FER1L6: variants seen among roughly 807,000 people sequenced by gnomAD.
FER1L6 encodes the protein fer-1 like family member 6.
In FER1L6, 177 loss-of-function variants were observed where a neutral mutation model predicts 219.2. That is an observed-to-expected ratio of 0.81 (90% confidence interval 0.71 to 0.91). The LOEUF is 0.91. Ranked by LOEUF, FER1L6 falls within the 40% of genes least tolerant of loss-of-function variation. The pLI, the probability that FER1L6 is intolerant of heterozygous loss-of-function variation, is 0.00. For missense variants in FER1L6, 2,153 were observed against 2,259.9 expected (o/e 0.95, Z 0.96); for synonymous variants, 768 against 824.3 (o/e 0.93, Z 1.17).
chr8:123,854,950 G>A (rs996963451), intron 1 of FER1L6, among the ~76,000 whole-genome samples: 1 of 152,130 alleles, frequency 6.6e-6, no homozygotes, highest in African/African-American at 2.4e-5. Flanking sequence ...GTACAGTTCC[G>A]CAGCATTCGG....
chr8:123,976,467 C>T (rs2130303272), intron 9 of FER1L6, among the ~76,000 whole-genome samples: 1 of 151,748 alleles, frequency 6.6e-6, no homozygotes, highest in South Asian at 2.1e-4. Context: ...AGAGATTGTA[C>T]CACTGTGCTC....
chr8:124,118,922 C>A lies in FER1L6; in HGVS notation c.5368C>A (p.Pro1790Thr). ...TCCTGTTGGAAAAGCCCGAAAGGAG[C>A]CAGAGCCCCTGGCCAAGCCCAAGTG... is the stretch of plus-strand genomic sequence containing the variant. ...KNPVGKARKE[P>T]EPLAKPNRPD... The change falls in exon 40 of 41, where the codon CCA (proline) becomes ACA (threonine). Residue 1790 changes from proline to threonine, a missense_variant. Pro to Thr is a conservative substitution (Grantham distance 38, BLOSUM62 -1). Transcript: ENST00000522917. 6.2e-7 allele frequency: 1 copy of A among 1,613,628 alleles called. No homozygotes were observed. The highest frequency in any genetic ancestry group is 1.1e-5 in the South Asian group (1 of 91,062).
In FER1L6 at chr8:124,003,102, A is replaced by C. The variant is rs971265985; in HGVS notation, c.1520-65A>C. 2.1e-6 allele frequency: 3 copies of C among 1,419,382 alleles called. No individual in the cohort carries two copies. In the African/African-American group the frequency reaches 4.2e-5, roughly 20 times the overall value. 87.9% of individuals were successfully genotyped at this position (1,419,382 alleles called of 1,614,324 possible). On this transcript the variant is annotated intron_variant, in intron 12 of 40. Coordinates refer to ENST00000522917, the MANE Select transcript of FER1L6 (RefSeq NM_001039112.2). ...GGGAGAACATGAGTTTGGATCCTTT[A>C]TGCCAAGCAGACTGATTCTGATTAC... is the stretch of plus-strand genomic sequence containing the variant.
chr8:124,026,327 CT>C lies in FER1L6; in HGVS notation c.2286+2732del, dbSNP rs1373287058. 1.1e-4 allele frequency among the ~76,000 whole-genome samples: 17 copies of C among 152,298 alleles called. No individual in the cohort carries two copies. The South Asian group carries it at 3.5e-3, about 32-fold the overall frequency. The stretch of plus-strand genomic sequence containing the variant: ...GCTGACTGTCCTCCCAATATCAGTT[CT>C]GGTTTCTTGCTATAAAATAATTATT... On this transcript the variant is annotated intron_variant, in intron 18 of 40. Coordinates refer to ENST00000522917, the MANE Select transcript of FER1L6 (RefSeq NM_001039112.2).
At chr8:123,971,039 G>A (rs1815785130) in intron 6 of FER1L6, among the ~76,000 whole-genome samples, 2 of 152,206 alleles carry the variant, frequency 1.3e-5, no homozygotes, top group South Asian at 4.1e-4. Flanking sequence ...AGTGTAGGAA[G>A]TCTGGAGAAT....
rs1483870202 is a variant in FER1L6, at chr8:124,079,038, TG to T, written c.4220+2714del. On this transcript the variant is annotated intron_variant, in intron 32 of 40. Transcript: ENST00000522917. ...CTGGTGATCTGCTGGCAATCCCTGG[TG>T]CTCCCTGGCTGGTAGATGCATTGCT... Among the ~76,000 whole-genome samples, 3 of 152,278 alleles carry T rather than the reference TG, an allele frequency of 2.0e-5. No homozygotes were observed. The East Asian group carries it at 5.8e-4, about 29-fold the overall frequency.
intron 1 of FER1L6, among the ~76,000 whole-genome samples, chr8:123,881,055 A>G (rs1292704296): frequency 2.0e-5 from 3 of 152,228 alleles, no homozygotes; most frequent in African/African-American, 7.2e-5. Context: ...AGTCATGTGC[A>G]ATGGTGACTG....
rs551773371 is a variant in FER1L6, at chr8:124,002,514, A to T, written c.1520-653A>T. On this transcript the variant is annotated intron_variant, in intron 12 of 40. Coordinates refer to ENST00000522917, the MANE Select transcript of FER1L6 (RefSeq NM_001039112.2). ...TTCCAAAAGAGAGGAATGTTCATCT[A>T]AATCTTTTAAAGCATTTGAAATTAG... is the stretch of plus-strand genomic sequence containing the variant. Among the ~76,000 whole-genome samples the T allele has an allele frequency of 2.7e-4, 41 of 152,346 alleles. No homozygotes were observed. In the South Asian group the frequency reaches 8.1e-3, roughly 30 times the overall value.
chr8:124,049,579 A>G (rs368223758), intron 21 of FER1L6, 28 bp from the exon 22 acceptor site: 13 of 1,612,698 alleles, frequency 8.1e-6, no homozygotes, highest in African/African-American at 1.3e-5. Flanking sequence ...TGATCAGGAA[A>G]TACAAACTCA....
At chr8:123,866,428 T>A (rs1318298247) in intron 1 of FER1L6, among the ~76,000 whole-genome samples, 1 of 152,150 alleles carries the variant, frequency 6.6e-6, no homozygotes, top group East Asian at 1.9e-4. Context: ...ACTTAGCTAT[T>A]GTGAATAATG....
In FER1L6 at chr8:124,082,405, C is replaced by T; in HGVS notation, c.4338C>T (p.Asn1446=). ...GTGAGACCAAGATCGACCTGGAGAA[C>T]CGCTTCTACAGCAAACACCGAGCCA... ...LIGETKIDLE[N]RFYSKHRAIC... Residue 1446 remains asparagine, a synonymous_variant, in exon 33 of 41, where the codon AAC becomes AAT. Coordinates refer to ENST00000522917, the MANE Select transcript of FER1L6 (RefSeq NM_001039112.2). 6.2e-7 allele frequency: 1 copy of T among 1,614,084 alleles called. No homozygotes were observed.
chr8:124,096,215 C>T (rs1368447356), intron 35 of FER1L6, among the ~76,000 whole-genome samples: 1 of 152,144 alleles, frequency 6.6e-6, no homozygotes, highest in African/African-American at 2.4e-5. Context: ...TAGGATCCTT[C>T]ACTTGGCTGG....
At chr8:123,865,738 G>A (rs1217644832) in intron 1 of FER1L6, among the ~76,000 whole-genome samples, 2 of 151,322 alleles carry the variant, frequency 1.3e-5, no homozygotes, top group East Asian at 1.9e-4. Flanking sequence ...GGAGTGACCC[G>A]ATTTTCCAGG....
At chr8:124,067,865 T>G in intron 28 of FER1L6, 59 bp downstream of exon 28, 1 of 1,446,806 alleles carries the variant, frequency 6.9e-7, no homozygotes, top group Non-Finnish European at 9.7e-7. Context: ...ACGAGAAAAT[T>G]GTAAAATGGA....
intron 32 of FER1L6, among the ~76,000 whole-genome samples, chr8:124,080,143 C>T (rs2130905794): frequency 6.6e-6 from 1 of 152,222 alleles, no homozygotes; most frequent in Non-Finnish European, 1.5e-5. Context: ...AACATTGTTC[C>T]TCTGAAGCTC....
chr8:123,944,640 C>T (rs1016036721), intron 1 of FER1L6, among the ~76,000 whole-genome samples: 3 of 152,198 alleles, frequency 2.0e-5, no homozygotes, highest in African/African-American at 7.2e-5. Flanking sequence ...TGATACCCAT[C>T]TTACAGATGA....
chr8:123,957,728 G>A (rs1385391723), intron 2 of FER1L6, among the ~76,000 whole-genome samples: 2 of 152,122 alleles, frequency 1.3e-5, no homozygotes, highest in African/African-American at 2.4e-5. Context: ...AGAAGCTGGC[G>A]GATACCTAGG....
chr8:123,976,652 C>G lies in FER1L6; in HGVS notation c.870+568C>G, dbSNP rs1816086832. Among the ~76,000 whole-genome samples the G allele has an allele frequency of 2.0e-5, 3 of 152,278 alleles. No homozygotes were observed. In the South Asian group the frequency reaches 6.2e-4, roughly 32 times the overall value. ...AGGCAGACAGGCATCCTTCCTCACC[C>G]CTGGCTACTTCTCTGAGCTGTTTAT... On this transcript the variant is annotated intron_variant, in intron 9 of 40. Transcript: ENST00000522917.
intron 26 of FER1L6, among the ~76,000 whole-genome samples, chr8:124,065,800 C>T (rs1247710545): frequency 6.6e-6 from 1 of 152,174 alleles, no homozygotes; most frequent in Non-Finnish European, 1.5e-5. Flanking sequence ...AGTGCTGCAT[C>T]CATAGGCTCC....
Sources: gnomAD v4.1 joint callset for allele counts (sites outside exome capture counted in the v4.1 genomes callset) on GRCh38, gnomAD v4.1.1 for gene constraint, MANE v1.5 for transcripts, NCBI Gene and HGNC (gene_info 2026-07-23, HGNC 2026-07-21) for gene names.